The following CHST3 variants were observed in gnomAD, a reference collection of about 807,000 sequenced individuals.
CHST3 encodes the protein C6ST-1.
Under a neutral mutation model 35.4 loss-of-function variants are expected in CHST3, and 20 were observed. That is an observed-to-expected ratio of 0.57 (90% CI 0.40 to 0.82). The LOEUF (loss-of-function observed/expected upper bound fraction) is 0.82, where lower values mean the gene tolerates loss of function less well. Ranked by LOEUF, CHST3 falls within the 40% of genes least tolerant of loss-of-function variation. CHST3 has a pLI of 0.00. For synonymous variants in CHST3, 334 were observed against 295.9 expected, an observed-to-expected ratio of 1.13 and a Z score of -1.32; for missense variants, 693 against 670.1, an observed-to-expected ratio of 1.03 and a Z score of -0.38.
chr10:71,984,619 G>T (rs1435499441), intron 1 of CHST3, among the ~76,000 whole-genome samples: 5 of 152,300 alleles, frequency 3.3e-5, no homozygotes, highest in Non-Finnish European at 7.4e-5. Context: ...GGACTGTGGA[G>T]CCAGGCTTCC....
chr10:71,969,041 A>G (rs1386210637), intron 1 of CHST3, among the ~76,000 whole-genome samples: 1 of 152,038 alleles, frequency 6.6e-6, no homozygotes, highest in Non-Finnish European at 1.5e-5. Flanking sequence ...TCCTATTGTC[A>G]TTTACCTGGT....
In CHST3 at chr10:72,009,832, C is replaced by T. The variant is rs4148945; in HGVS notation, c.*1361C>T. 0.35 allele frequency: 52,776 copies of T among 152,750 alleles called. 10,783 individuals carry two copies. The highest frequency in any genetic ancestry group is 0.47 in the Non-Finnish European group (32,231 of 68,360). The allele number at this position is 152,750 out of a possible 1,614,324, so 9.5% of individuals were successfully genotyped here. ...TTATGGCTTGGTGTCTTTCTTGTTT[C>T]ATGGCTGTGTTTTTGCTTTTGTTTC... is the stretch of plus-strand genomic sequence containing the variant. On this transcript the variant is annotated 3_prime_UTR_variant, in exon 3 of 3. Coordinates refer to ENST00000373115, the MANE Select transcript of CHST3 (RefSeq NM_004273.5).
chr10:72,007,371 G>A lies in CHST3; in HGVS notation c.340G>A (p.Glu114Lys), dbSNP rs759393390. ...EPAMEAAGEEEEEQRKEEEPP... is the reference protein window; with the variant it reads ...EPAMEAAGEEKEEQRKEEEPP... ...AGCCATGGAGGCCGCAGGGGAGGAA[G>A]AGGAAGAGCAGAGAAAGGAGGAGGA... is the stretch of plus-strand genomic sequence containing the variant. The change falls in exon 3 of 3, where the codon GAG becomes AAG. Residue 114 changes from glutamate (E) to lysine (K), a missense_variant. Transcript: ENST00000373115. 2 of 1,606,402 alleles carry A rather than the reference G, an allele frequency of 1.2e-6. No homozygotes were observed. Among genetic ancestry groups the A allele is most frequent in the Non-Finnish European group, 8.5e-7 (1 of 1,176,906 alleles).
At chr10:71,973,108 G>A (rs781102713) in intron 1 of CHST3, among the ~76,000 whole-genome samples, 22 of 152,226 alleles carry the variant, frequency 1.4e-4, no homozygotes, top group Non-Finnish European at 2.4e-4. Context: ...ATGCTTCTGT[G>A]AGGGAGCGCT....
At chr10:71,988,039 C>T (rs1379125744) in intron 1 of CHST3, among the ~76,000 whole-genome samples, 2 of 152,174 alleles carry the variant, frequency 1.3e-5, no homozygotes, top group Non-Finnish European at 2.9e-5. Flanking sequence ...GGGCTTCTCC[C>T]GAGCATGTGC....
chr10:72,003,181 A>G (rs1423168210), intron 1 of CHST3, among the ~76,000 whole-genome samples: 1 of 152,210 alleles, frequency 6.6e-6, no homozygotes, highest in Non-Finnish European at 1.5e-5. Flanking sequence ...GGCACAGAGA[A>G]ATATGCACTC....
intron 1 of CHST3, among the ~76,000 whole-genome samples, chr10:71,989,486 A>G (rs1261435326): frequency 6.6e-6 from 1 of 151,982 alleles, no homozygotes; most frequent in Non-Finnish European, 1.5e-5. Context: ...TACAGTCACC[A>G]TTTTTGTCAG....
At chr10:72,002,916 G>A (rs1215940642) in intron 1 of CHST3, among the ~76,000 whole-genome samples, 5 of 152,142 alleles carry the variant, frequency 3.3e-5, no homozygotes, top group African/African-American at 7.2e-5. Context: ...ACTTTGGGGT[G>A]CTTGCATTCT....
chr10:71,981,553 C>G (rs1006583394), intron 1 of CHST3, among the ~76,000 whole-genome samples: 1 of 152,238 alleles, frequency 6.6e-6, no homozygotes, highest in African/African-American at 2.4e-5. Flanking sequence ...CCAGCCCCCC[C>G]AGGCAGCCAT....
intron 1 of CHST3, among the ~76,000 whole-genome samples, chr10:71,980,603 G>A (rs1024776016): frequency 6.6e-6 from 1 of 152,180 alleles, no homozygotes; most frequent in African/African-American, 2.4e-5. Context: ...CCCCTCTCCT[G>A]AGGTTCTGAG....
intron 1 of CHST3, among the ~76,000 whole-genome samples, chr10:71,972,986 C>T (rs1315197432): frequency 6.6e-6 from 1 of 152,232 alleles, no homozygotes; most frequent in Non-Finnish European, 1.5e-5. Flanking sequence ...CAGCTGTCTG[C>T]CTTGTCCATC....
chr10:72,008,325 A>C lies in CHST3; in HGVS notation c.1294A>C (p.Met432Leu). The C allele has an allele frequency of 1.3e-6, 2 of 1,576,988 alleles. No individual in the cohort carries two copies. The highest frequency in any genetic ancestry group is 1.7e-6 in the Non-Finnish European group (2 of 1,161,942). The change falls in exon 3 of 3, where the codon ATG (methionine) becomes CTG (leucine). Residue 432 changes from methionine (M) to leucine (L), a missense_variant. Met to Leu is a conservative substitution (Grantham distance 15). Coordinates refer to ENST00000373115, the MANE Select transcript of CHST3 (RefSeq NM_004273.5). ...SEQFEKWRFS[M>L]PFKLAQVVQA... ...GCAGTTCGAGAAGTGGCGCTTCAGC[A>C]TGCCCTTCAAGCTGGCCCAGGTGGT...
Position 72,008,501 on chromosome 10 carries a change from G to A in CHST3, c.*30G>A. On this transcript the variant is annotated 3_prime_UTR_variant, in exon 3 of 3. Coordinates refer to ENST00000373115, the MANE Select transcript of CHST3 (RefSeq NM_004273.5). ...GCCGGGGCCCCGTATGCCCCTCCTC[G>A]TGAAAGGCCTGCCCCGTCTTTCTGC... 1.3e-6 allele frequency: 2 copies of A among 1,485,472 alleles called. No individual in the cohort carries two copies. Among genetic ancestry groups the A allele is most frequent in the Non-Finnish European group, 1.8e-6 (2 of 1,116,576 alleles). 92.0% of individuals were successfully genotyped at this position (1,485,472 alleles called of 1,614,324 possible). A position where few individuals can be genotyped will look rare whatever the true frequency, so the allele number is the denominator to read the frequency against.
At chr10:72,001,225 C>T (rs1208440978) in intron 1 of CHST3, among the ~76,000 whole-genome samples, 1 of 152,212 alleles carries the variant, frequency 6.6e-6, no homozygotes, top group Non-Finnish European at 1.5e-5. Context: ...AGCACTGTGC[C>T]TCTTTTCCTG....
At position 71,967,975 on chromosome 10, in the gene CHST3, A is replaced by ATTTTTT. The variant is rs61420934; in HGVS notation, c.-108+3291_-108+3296dup. Among the ~76,000 whole-genome samples, 48 of 142,080 alleles carry ATTTTTT rather than the reference A, an allele frequency of 3.4e-4. 1 individual carries two copies. Among genetic ancestry groups the ATTTTTT allele is most frequent in the African/African-American group, 8.0e-4 (31 of 38,714 alleles). 93.2% of individuals were successfully genotyped at this position (142,080 alleles called of 152,430 possible). A position where few individuals can be genotyped will look rare whatever the true frequency, so the allele number is the denominator to read the frequency against. The stretch of plus-strand genomic sequence containing the variant: ...AGGCGTGCACCACCATGCGTGGCTA[A>ATTTTTT]TTTTTTTTTTTTTTTGTATTTTAGT... On this transcript the variant is annotated intron_variant, in intron 1 of 2. Coordinates refer to ENST00000373115, the MANE Select transcript of CHST3 (RefSeq NM_004273.5).
At position 72,012,235 on chromosome 10, in the gene CHST3, T is replaced by G. The variant is rs1840118685; in HGVS notation, c.*3764T>G. The G allele has an allele frequency of 6.6e-6, 1 of 152,210 alleles. No homozygotes were observed. 9.4% of individuals were successfully genotyped at this position (152,210 alleles called of 1,614,324 possible). A position where few individuals can be genotyped will look rare whatever the true frequency, so the allele number is the denominator to read the frequency against. ...TCTCTGCCATCTGTCTGTCTGGCAA[T>G]GGAAGGAGCTTCAGCAGGAGGTCCT... On this transcript the variant is annotated 3_prime_UTR_variant, in exon 3 of 3. Transcript: ENST00000373115.
chr10:71,988,316 C>T (rs1386966147), intron 1 of CHST3, among the ~76,000 whole-genome samples: 1 of 152,160 alleles, frequency 6.6e-6, no homozygotes, highest in Non-Finnish European at 1.5e-5. Context: ...CCAGCCCTTC[C>T]CCTGTGATAT....
chr10:71,977,513 A>G (rs1839757942), intron 1 of CHST3, among the ~76,000 whole-genome samples: 1 of 148,870 alleles, frequency 6.7e-6, no homozygotes, highest in South Asian at 2.1e-4. Flanking sequence ...GCATTGGTAC[A>G]GCCATAGCTC....
At chr10:71,988,845 A>G (rs115891721) in intron 1 of CHST3, among the ~76,000 whole-genome samples, 4 of 152,078 alleles carry the variant, frequency 2.6e-5, no homozygotes, top group African/African-American at 9.7e-5. Flanking sequence ...TTACCAACCT[A>G]TTAGCTTTTA....
Sources: allele counts gnomAD v4.1 joint callset (sites outside exome capture counted in the v4.1 genomes callset), GRCh38; gene constraint gnomAD v4.1.1; transcripts MANE v1.5; gene names NCBI Gene and HGNC (gene_info 2026-07-23, HGNC 2026-07-21).